Variants in DOCK1 observed in about 807,000 individuals in gnomAD.
The protein encoded by DOCK1 is dedicator of cytokinesis 1, also known as dedicator of cytokinesis protein 1.
DOCK1 carries 138 observed loss-of-function variants against 262.7 expected under a neutral mutation model. The observed-to-expected ratio is 0.53, with a 90% CI of 0.46 to 0.61. The LOEUF (loss-of-function observed/expected upper bound fraction) is 0.61. Among genes scored for constraint, DOCK1 ranks in the 20% least tolerant of loss-of-function variants. The pLI is 0.00. For missense variants in DOCK1, 1,908 were observed against 2,370.7 expected (o/e 0.80, Z 4.05); for synonymous variants, 866 against 867.4 (o/e 1.00, Z 0.03).
At chr10:127,395,021 T>C (rs528842317) in intron 38 of DOCK1, among the ~76,000 whole-genome samples, 1 of 152,258 alleles carries the variant, frequency 6.6e-6, no homozygotes, top group East Asian at 1.9e-4. Flanking sequence ...TAAAATTAAG[T>C]TTGCCAGATG....
chr10:127,201,094 A>G (rs2057434259), intron 27 of DOCK1, among the ~76,000 whole-genome samples: 2 of 152,356 alleles, frequency 1.3e-5, no homozygotes, highest in South Asian at 4.1e-4. Context: ...GGTCGAGATC[A>G]TTCCCTTGGG....
chr10:127,007,135 TG>T (rs1233088578), intron 10 of DOCK1, among the ~76,000 whole-genome samples: 1 of 152,160 alleles, frequency 6.6e-6, no homozygotes, highest in Non-Finnish European at 1.5e-5. Flanking sequence ...GCAAGTTATT[TG>T]GGATTCTTTG....
chr10:127,025,469 C>T lies in DOCK1; in HGVS notation c.1551+686C>T, dbSNP rs148815663. On this transcript the variant is annotated intron_variant, in intron 15 of 51. Transcript: ENST00000623213. ...AACGGCAACTTTTCTTTTTTTGAGA[C>T]GGAGTCTCATTCTGTCACCCAGACT... 6.1e-4 allele frequency among the ~76,000 whole-genome samples: 93 copies of T among 151,998 alleles called. 1 individual carries two copies. The Middle Eastern group carries it at 0.01, about 17-fold the overall frequency.
At chr10:127,301,911 A>G (rs2061691845) in intron 29 of DOCK1, among the ~76,000 whole-genome samples, 1 of 149,132 alleles carries the variant, frequency 6.7e-6, no homozygotes, top group Non-Finnish European at 1.5e-5. Context: ...GCACCACTGC[A>G]CTCCAGCCTG....
intron 1 of DOCK1, among the ~76,000 whole-genome samples, chr10:126,964,713 C>T (rs2037528729): frequency 6.6e-6 from 1 of 152,182 alleles, no homozygotes; most frequent in Non-Finnish European, 1.5e-5. Flanking sequence ...CAAGGAGTAA[C>T]GTATGGCCAC....
chr10:127,332,946 C>T (rs1260118033), intron 29 of DOCK1, among the ~76,000 whole-genome samples: 1 of 152,188 alleles, frequency 6.6e-6, no homozygotes, highest in Non-Finnish European at 1.5e-5. Context: ...CTTGCCTCTT[C>T]CCAGCATCCC....
intron 1 of DOCK1, among the ~76,000 whole-genome samples, chr10:126,945,921 A>C (rs1460122429): frequency 2.6e-5 from 4 of 152,164 alleles, no homozygotes; most frequent in African/African-American, 7.2e-5. Flanking sequence ...TGAGCGTAAC[A>C]ACTTGGAATG....
intron 1 of DOCK1, among the ~76,000 whole-genome samples, chr10:126,947,019 G>T (rs961074229): frequency 6.6e-6 from 1 of 152,220 alleles, no homozygotes; most frequent in Non-Finnish European, 1.5e-5. Context: ...CCATGACTGG[G>T]GAGAGATGCG....
chr10:127,211,908 G>A lies in DOCK1; in HGVS notation c.2848-36100G>A, dbSNP rs909861926. On this transcript the variant is annotated intron_variant, in intron 27 of 51. Transcript: ENST00000623213. ...TGTCAGCCAGCCCACTGCATGTTCCGAAAGCTCTGCAGAGTGCGCCAATAT... is the reference window on the plus strand; with the variant it reads ...TGTCAGCCAGCCCACTGCATGTTCCAAAAGCTCTGCAGAGTGCGCCAATAT... 3.3e-5 allele frequency among the ~76,000 whole-genome samples: 5 copies of A among 152,298 alleles called. No individual in the cohort carries two copies. The East Asian group carries it at 5.8e-4, about 18-fold the overall frequency.
At chr10:127,420,888 C>A (rs1011532165) in intron 46 of DOCK1, among the ~76,000 whole-genome samples, 14 of 132,118 alleles carry the variant, frequency 1.1e-4, no homozygotes, top group Admixed American at 8.0e-4. Context: ...TGAGACATCA[C>A]CGTGAGCAGT....
At chr10:126,990,754 G>T (rs998585180) in intron 6 of DOCK1, among the ~76,000 whole-genome samples, 151 bp downstream of exon 6, 6 of 152,148 alleles carry the variant, frequency 3.9e-5, no homozygotes, top group Non-Finnish European at 8.8e-5. Context: ...AAAGGATGAG[G>T]TATTTTCCAC....
intron 38 of DOCK1, 146 bp from the exon 39 acceptor site, chr10:127,402,909 T>G: frequency 1.2e-6 from 1 of 820,526 alleles, no homozygotes; most frequent in South Asian, 1.6e-5. Flanking sequence ...CTCAAGAAAA[T>G]ATTTGTATTT....
At chr10:127,201,287 G>T (rs757115161) in intron 27 of DOCK1, among the ~76,000 whole-genome samples, 12 of 152,132 alleles carry the variant, frequency 7.9e-5, no homozygotes, top group Non-Finnish European at 1.2e-4. Flanking sequence ...CTCTCGCTTT[G>T]TGTAAAGCCC....
At chr10:127,063,529 G>T (rs2045672245) in intron 23 of DOCK1, among the ~76,000 whole-genome samples, 1 of 152,098 alleles carries the variant, frequency 6.6e-6, no homozygotes, top group Admixed American at 6.5e-5. Flanking sequence ...AAGAAATGTA[G>T]GTGGTGCATA....
intron 29 of DOCK1, among the ~76,000 whole-genome samples, chr10:127,308,491 A>G (rs1205235360): frequency 2.0e-5 from 3 of 152,150 alleles, no homozygotes; most frequent in Non-Finnish European, 4.4e-5. Context: ...ATAGGTATAC[A>G]TTTGCCATGG....
At chr10:127,102,841 A>G (rs1268672356) in intron 23 of DOCK1, among the ~76,000 whole-genome samples, 1 of 152,000 alleles carries the variant, frequency 6.6e-6, no homozygotes, top group Non-Finnish European at 1.5e-5. Flanking sequence ...CTCAGTCTCA[A>G]AAAAAAAGGT....
At position 127,447,421 on chromosome 10, in the gene DOCK1, C is replaced by T. The variant is rs375977899; in HGVS notation, c.5441C>T (p.Ala1814Val). ...SSLELNGMTG[A>V]DVADVPPPLP... ...TTGGAGCTGAACGGCATGACGGGGG[C>T]GGACGTGGCCGATGTCCCACCCCCT... The change falls in exon 51 of 52, where the codon GCG becomes GTG. Residue 1814 changes from alanine to valine, a missense_variant. Physicochemically the swap from Ala to Val is moderately conservative, Grantham distance 64. Transcript: ENST00000623213. The T allele has an allele frequency of 2.8e-5, 45 of 1,612,640 alleles. No homozygotes were observed. Among genetic ancestry groups the T allele is most frequent in the East Asian group, 4.5e-5 (2 of 44,832 alleles).
At chr10:127,147,115 A>G (rs2051943328) in intron 27 of DOCK1, among the ~76,000 whole-genome samples, 1 of 152,234 alleles carries the variant, frequency 6.6e-6, no homozygotes, top group African/African-American at 2.4e-5. Context: ...TCATAATGTT[A>G]GATATTTTCC....
At chr10:127,396,715 A>G (rs2134250565) in intron 38 of DOCK1, among the ~76,000 whole-genome samples, 1 of 150,272 alleles carries the variant, frequency 6.7e-6, no homozygotes, top group South Asian at 2.1e-4. Context: ...CAAAACTACA[A>G]ATGTCCTGGC....
Sources: gnomAD v4.1 joint callset for allele counts (sites outside exome capture counted in the v4.1 genomes callset) on GRCh38, gnomAD v4.1.1 for gene constraint, MANE v1.5 for transcripts, NCBI Gene and HGNC (gene_info 2026-07-23, HGNC 2026-07-21) for gene names.